Variants in PHF24 observed in about 807,000 individuals in gnomAD.
PHF24 encodes the protein PHD finger protein 24.
PHF24 carries 25 observed loss-of-function variants against 42.6 expected under a neutral mutation model. The ratio of observed to expected loss-of-function variants is 0.59; its 90% CI spans 0.43 to 0.82. The LOEUF (loss-of-function observed/expected upper bound fraction) is 0.82, where lower values mean the gene tolerates loss of function less well. Ranked by LOEUF, PHF24 falls within the 40% of genes least tolerant of loss-of-function variation. The probability of loss-of-function intolerance (pLI) is 0.00; values close to 1 mark genes in which losing one functional copy is unlikely to be tolerated. For synonymous variants in PHF24, 185 were observed against 204.8 expected (o/e 0.90, Z 0.83); for missense variants, 470 against 538.1 (o/e 0.87, Z 1.25).
chr9:34,901,919 T>C, the PHF24 span, among the ~76,000 whole-genome samples: 1 of 152,278 alleles, frequency 6.6e-6, no homozygotes, highest in East Asian at 1.9e-4. Context: ...AACGAGGAGG[T>C]AACTAGTGTG....
At chr9:34,971,816 G>C in intron 2 of PHF24, 140 bp downstream of exon 2, 1 of 1,006,620 alleles carries the variant, frequency 9.9e-7, no homozygotes, top group Non-Finnish European at 1.4e-6. Context: ...TCTTCTGTAA[G>C]AATAAAATGT....
chr9:34,802,088 A>G, the PHF24 span, among the ~76,000 whole-genome samples: 1 of 152,198 alleles, frequency 6.6e-6, no homozygotes. Flanking sequence ...AAATGAAATT[A>G]GAAAGAAGAA....
chr9:34,949,932 G>A, the PHF24 span, among the ~76,000 whole-genome samples: 1 of 151,704 alleles, frequency 6.6e-6, no homozygotes, highest in African/African-American at 2.4e-5. Flanking sequence ...GGGTTGATAG[G>A]TGCAGCAAAC....
At chr9:34,737,788 C>T in the PHF24 span, among the ~76,000 whole-genome samples, 21 of 152,090 alleles carry the variant, frequency 1.4e-4, 1 homozygote, top group East Asian at 1.2e-3. Context: ...AAAATTGACA[C>T]GATATTTATA....
chr9:34,852,809 T>A, the PHF24 span, among the ~76,000 whole-genome samples: 1 of 152,228 alleles, frequency 6.6e-6, no homozygotes, highest in Non-Finnish European at 1.5e-5. Context: ...TGTGTATTTT[T>A]TGAGTTGGAG....
the PHF24 span, among the ~76,000 whole-genome samples, chr9:34,926,514 G>T: frequency 6.6e-6 from 1 of 152,178 alleles, no homozygotes; most frequent in African/African-American, 2.4e-5. This position sits in a 1 kb window ranked among gnomAD's most constrained non-coding sequence, Gnocchi z 4.3. Flanking sequence ...GACTGGCCTG[G>T]GGGTGTTTCT....
At chr9:34,913,627 A>C in the PHF24 span, among the ~76,000 whole-genome samples, 37 of 152,332 alleles carry the variant, frequency 2.4e-4, no homozygotes, top group Non-Finnish European at 4.3e-4. Context: ...CTATGGCCTA[A>C]AGCAGGGTTC....
chr9:34,739,360 A>G, the PHF24 span, among the ~76,000 whole-genome samples: 8 of 152,354 alleles, frequency 5.3e-5, no homozygotes, highest in African/African-American at 1.9e-4. Flanking sequence ...ACTTATAGAA[A>G]TGTGAAATGC....
the PHF24 span, among the ~76,000 whole-genome samples, chr9:34,748,779 C>G: frequency 6.6e-6 from 1 of 152,250 alleles, no homozygotes; most frequent in African/African-American, 2.4e-5. Flanking sequence ...ATACCTAACT[C>G]TTCAATGCCT....
chr9:34,875,944 A>ACT, the PHF24 span, among the ~76,000 whole-genome samples: 74 of 85,674 alleles, frequency 8.6e-4, no homozygotes, highest in African/African-American at 3.8e-3. Context: ...ACACACACAC[A>ACT]CACACACTCT....
At chr9:34,809,349 A>G in the PHF24 span, among the ~76,000 whole-genome samples, 1 of 151,938 alleles carries the variant, frequency 6.6e-6, no homozygotes, top group East Asian at 1.9e-4. The surrounding 1 kb of genome is among the most constrained non-coding windows in gnomAD (Gnocchi z 4.1). Context: ...ATTATTTTTG[A>G]TATTCTTTGT....
chr9:34,833,948 A>C, the PHF24 span: 1 of 1,543,338 alleles, frequency 6.5e-7, no homozygotes. Flanking sequence ...CAGCCCCGAC[A>C]GGAAGGCCAG....
At chr9:34,724,213 A>C in the PHF24 span, 1 of 1,551,474 alleles carries the variant, frequency 6.4e-7, no homozygotes, top group Non-Finnish European at 8.7e-7. Context: ...CTACCTGAAC[A>C]CAAGGCATGT....
the PHF24 span, among the ~76,000 whole-genome samples, chr9:34,670,964 A>G: frequency 6.6e-6 from 1 of 152,186 alleles, no homozygotes; most frequent in African/African-American, 2.4e-5. Context: ...TCTGAGATCC[A>G]TTCCTCCCTT....
intron 3 of PHF24, among the ~76,000 whole-genome samples, chr9:34,972,840 G>A (rs1373044993): frequency 2.0e-5 from 3 of 151,608 alleles, no homozygotes; most frequent in African/African-American, 7.3e-5. Flanking sequence ...CTTAAACCCA[G>A]GAGGCGGAGG....
the PHF24 span, among the ~76,000 whole-genome samples, chr9:34,779,829 G>A: frequency 2.6e-5 from 4 of 152,150 alleles, no homozygotes; most frequent in Non-Finnish European, 5.9e-5. Flanking sequence ...AAGTTCAAGC[G>A]ATTCTCCTGC....
chr9:34,848,324 C>T, the PHF24 span, among the ~76,000 whole-genome samples: 1 of 151,674 alleles, frequency 6.6e-6, no homozygotes, highest in Non-Finnish European at 1.5e-5. Flanking sequence ...CTGGTTTAGT[C>T]TTGGGAGGGT....
At chr9:34,859,040 C>A in the PHF24 span, among the ~76,000 whole-genome samples, 2 of 152,154 alleles carry the variant, frequency 1.3e-5, no homozygotes, top group African/African-American at 4.8e-5. Flanking sequence ...TTTCTAAGGT[C>A]TTTTCTGAGC....
the PHF24 span, among the ~76,000 whole-genome samples, chr9:34,863,012 T>C: frequency 6.6e-6 from 1 of 151,840 alleles, no homozygotes; most frequent in African/African-American, 2.4e-5. Flanking sequence ...CCTGGGAGTG[T>C]GGTGGCCATG....
Sources: gnomAD v4.1 joint callset for allele counts (sites outside exome capture counted in the v4.1 genomes callset) on GRCh38, gnomAD v4.1.1 for gene constraint, Gnocchi (gnomAD v3.1) non-coding constraint, MANE v1.5 for transcripts, NCBI Gene and HGNC (gene_info 2026-07-23, HGNC 2026-07-21) for gene names.